Variants in PLCB1 observed in about 807,000 individuals in gnomAD.
PLCB1 encodes the protein 1-phosphatidylinositol 4,5-bisphosphate phosphodiesterase beta-1.
Under a neutral mutation model 161.8 loss-of-function variants are expected in PLCB1, and 46 were observed. The ratio of observed to expected loss-of-function variants is 0.28; its 90% CI spans 0.22 to 0.36. PLCB1 has a LOEUF of 0.36. PLCB1 is among the 10% of genes least tolerant of loss of function. PLCB1 has a pLI of 1.00. For missense variants in PLCB1, 1,016 were observed against 1,472.5 expected (o/e 0.69, Z 5.07); for synonymous variants, 517 against 503.7 (o/e 1.03, Z -0.35).
At chr20:8,409,624 GGC>G (rs1304928943) in intron 3 of PLCB1, among the ~76,000 whole-genome samples, 1 of 151,634 alleles carries the variant, frequency 6.6e-6, no homozygotes, top group East Asian at 1.9e-4. Context: ...CACCACGCCT[GGC>G]TAATTTTTGT....
intron 3 of PLCB1, among the ~76,000 whole-genome samples, chr20:8,523,494 C>CTATATATATATATA (rs1419507917): frequency 2.0e-5 from 1 of 49,584 alleles, no homozygotes; most frequent in Non-Finnish European, 4.3e-5. Context: ...CTCTCTCTCT[C>CTATATATATATATA]TCTATATATA....
intron 27 of PLCB1, among the ~76,000 whole-genome samples, chr20:8,782,375 A>G (rs1368496050): frequency 3.9e-5 from 6 of 152,108 alleles, no homozygotes; most frequent in Non-Finnish European, 5.9e-5. Context: ...CCATATAAAC[A>G]TCTTCCTTGT....
chr20:8,632,034 G>GTTTTTTTTTTT (rs750797408), intron 4 of PLCB1, among the ~76,000 whole-genome samples: 11 of 81,744 alleles, frequency 1.3e-4, no homozygotes, highest in Non-Finnish European at 2.4e-4. Context: ...GGTTTTTTTT[G>GTTTTTTTTTTT]CTTTTTTTTT....
intron 3 of PLCB1, among the ~76,000 whole-genome samples, chr20:8,382,301 G>C (rs1414146899): frequency 2.0e-5 from 1 of 50,610 alleles, no homozygotes; most frequent in Non-Finnish European, 4.0e-5. Flanking sequence ...TTTTTTTTTT[G>C]AGATGGAGTC....
intron 4 of PLCB1, 95 bp from the exon 5 acceptor site, chr20:8,646,007 T>G: frequency 2.5e-6 from 2 of 805,862 alleles, no homozygotes; most frequent in Non-Finnish European, 4.3e-6. Context: ...GCATGCACAT[T>G]GAACTAATGT....
intron 27 of PLCB1, among the ~76,000 whole-genome samples, chr20:8,785,708 G>C (rs1983449113): frequency 6.6e-6 from 1 of 152,174 alleles, no homozygotes; most frequent in African/African-American, 2.4e-5. Flanking sequence ...AGTCAGAACT[G>C]AGTGGGCAGA....
At chr20:8,735,705 A>G (rs927303153) in intron 19 of PLCB1, among the ~76,000 whole-genome samples, 7 of 152,222 alleles carry the variant, frequency 4.6e-5, no homozygotes, top group East Asian at 1.9e-4. Context: ...TAGGACTTGC[A>G]TAACTTAGAA....
chr20:8,177,249 G>A (rs1239096346), intron 2 of PLCB1, among the ~76,000 whole-genome samples: 1 of 152,106 alleles, frequency 6.6e-6, no homozygotes, highest in Admixed American at 6.6e-5. Context: ...AGGCTTGAGA[G>A]TCTTTTTACC....
In PLCB1 at chr20:8,161,319, A is replaced by T. The variant is rs547764002; in HGVS notation, c.177+10948A>T. Among the ~76,000 whole-genome samples, 848 of 152,298 alleles carry T rather than the reference A, an allele frequency of 5.6e-3. 7 individuals carry two copies. The highest frequency in any genetic ancestry group is 0.019 in the African/African-American group (800 of 41,570). On this transcript the variant is annotated intron_variant, in intron 2 of 31. Coordinates refer to ENST00000338037, the MANE Select transcript of PLCB1 (RefSeq NM_015192.4). ...TGTGTGTATACTTACACATATATATAGTGTGTGTTAACAGACCTATGCAAT... is the reference window on the plus strand; with the variant it reads ...TGTGTGTATACTTACACATATATATTGTGTGTGTTAACAGACCTATGCAAT...
intron 23 of PLCB1, among the ~76,000 whole-genome samples, chr20:8,746,285 T>C (rs1981166956): frequency 6.6e-6 from 1 of 152,212 alleles, no homozygotes; most frequent in African/African-American, 2.4e-5. Context: ...CCAAATAATG[T>C]AATTACAGAG....
intron 1 of PLCB1, among the ~76,000 whole-genome samples, chr20:8,134,094 C>A (rs2051319385): frequency 6.6e-6 from 1 of 152,192 alleles, no homozygotes; most frequent in African/African-American, 2.4e-5. Flanking sequence ...AAACATACAT[C>A]TTTTTACCAT....
intron 31 of PLCB1, among the ~76,000 whole-genome samples, chr20:8,849,309 A>G (rs1986805748): frequency 6.6e-6 from 1 of 152,146 alleles, no homozygotes; most frequent in African/African-American, 2.4e-5. Flanking sequence ...CATCATTATC[A>G]TTTTATGTAA....
chr20:8,559,159 T>G (rs1986060624), intron 3 of PLCB1, among the ~76,000 whole-genome samples: 2 of 151,926 alleles, frequency 1.3e-5, no homozygotes, highest in Admixed American at 6.6e-5. Flanking sequence ...ACATACAATG[T>G]ATAAAGATAT....
chr20:8,436,997 C>T (rs1980342528), intron 3 of PLCB1, among the ~76,000 whole-genome samples: 1 of 152,072 alleles, frequency 6.6e-6, no homozygotes, highest in South Asian at 2.1e-4. Context: ...ACCATATTGG[C>T]CAGGCTGGTC....
At chr20:8,632,128 T>C (rs1416651299) in intron 4 of PLCB1, among the ~76,000 whole-genome samples, 1 of 143,306 alleles carries the variant, frequency 7.0e-6, no homozygotes, top group African/African-American at 2.6e-5. Context: ...AAGGCCATAA[T>C]TTTGACTCTT....
At chr20:8,590,142 G>A (rs563868715) in intron 3 of PLCB1, among the ~76,000 whole-genome samples, 2 of 152,220 alleles carry the variant, frequency 1.3e-5, no homozygotes, top group Admixed American at 1.3e-4. Flanking sequence ...GCCTGAACAC[G>A]GAACTTTGAA....
rs577609449 is a variant in PLCB1 at position 8,728,912 on chromosome 20, A to C, written c.1764-138A>C. On this transcript the variant is annotated intron_variant, in intron 17 of 31. Coordinates refer to ENST00000338037, the MANE Select transcript of PLCB1 (RefSeq NM_015192.4). ...ATTTCTTTCATAAAATTAACACTAA[A>C]TATCCCAAAGTAGCCCAACGAGATC... is the stretch of plus-strand genomic sequence containing the variant. The C allele has an allele frequency of 2.8e-5, 15 of 526,694 alleles. No homozygotes were observed. The South Asian group carries it at 7.1e-4, about 25-fold the overall frequency. 32.6% of individuals were successfully genotyped at this position (526,694 alleles called of 1,614,324 possible).
intron 23 of PLCB1, among the ~76,000 whole-genome samples, chr20:8,749,927 C>T (rs1364098143): frequency 6.7e-6 from 1 of 149,092 alleles, no homozygotes; most frequent in African/African-American, 2.5e-5. Flanking sequence ...TAACAGGAAA[C>T]TAAATATGAA....
At chr20:8,291,242 G>C (rs928914954) in intron 2 of PLCB1, among the ~76,000 whole-genome samples, 1 of 152,106 alleles carries the variant, frequency 6.6e-6, no homozygotes, top group Non-Finnish European at 1.5e-5. Flanking sequence ...TCCTGATCAG[G>C]CTCTGCTGCT....
Sources: allele counts gnomAD v4.1 joint callset (sites outside exome capture counted in the v4.1 genomes callset), GRCh38; gene constraint gnomAD v4.1.1; transcripts MANE v1.5; gene names NCBI Gene and HGNC (gene_info 2026-07-23, HGNC 2026-07-21).